The following RABGAP1L variants were observed in gnomAD, a reference collection of about 807,000 sequenced individuals.
RABGAP1L encodes the protein RAB GTPase activating protein 1 like.
A neutral mutation model predicts 137.7 loss-of-function variants in RABGAP1L; 63 were observed. The observed-to-expected ratio is 0.46, with a 90% CI of 0.37 to 0.56. The LOEUF (loss-of-function observed/expected upper bound fraction) is 0.56, where lower values mean the gene tolerates loss of function less well. Ranked by LOEUF, RABGAP1L falls within the 20% of genes least tolerant of loss-of-function variation. RABGAP1L has a pLI of 0.00. For synonymous variants in RABGAP1L, 431 were observed against 433.7 expected (o/e 0.99, Z 0.08); for missense variants, 1,095 against 1,244.0 (o/e 0.88, Z 1.80).
chr1:174,724,465 G>T (rs147714473), intron 17 of RABGAP1L, among the ~76,000 whole-genome samples: 21 of 152,302 alleles, frequency 1.4e-4, no homozygotes, highest in African/African-American at 5.1e-4. Flanking sequence ...AAGCCAAAAA[G>T]GGAGCAGCAT....
chr1:174,796,879 T>C (rs553936234), intron 18 of RABGAP1L, among the ~76,000 whole-genome samples: 121 of 152,122 alleles, frequency 8.0e-4, no homozygotes, highest in African/African-American at 2.8e-3. Flanking sequence ...TGGTGGCACA[T>C]GCTTGTAATT....
chr1:174,383,443 T>C (rs372890216), intron 12 of RABGAP1L, among the ~76,000 whole-genome samples: 3 of 150,960 alleles, frequency 2.0e-5, no homozygotes, highest in Admixed American at 6.6e-5. Flanking sequence ...ATCAGCGAGA[T>C]TCCGTTGGCG....
chr1:174,864,750 C>G (rs1650909354), intron 19 of RABGAP1L, among the ~76,000 whole-genome samples: 1 of 152,188 alleles, frequency 6.6e-6, no homozygotes, highest in Non-Finnish European at 1.5e-5. Context: ...TTCAACTGCC[C>G]TGAAGTAAAA....
At chr1:174,288,590 C>T (rs1676283416) in intron 10 of RABGAP1L, among the ~76,000 whole-genome samples, 2 of 152,172 alleles carry the variant, frequency 1.3e-5, no homozygotes, top group African/African-American at 4.8e-5. Context: ...TACAAGGGCT[C>T]TTTTGTATGT....
chr1:174,745,056 G>T (rs1573005380), intron 17 of RABGAP1L, among the ~76,000 whole-genome samples: 1 of 152,192 alleles, frequency 6.6e-6, no homozygotes. Context: ...GAATTCAACT[G>T]TGTGGTTCAT....
Position 174,251,271 on chromosome 1 carries a change from CT to C in RABGAP1L, c.875+649del, listed in dbSNP as rs566447117. ...TTTTTACACAATTGTATATATATACCTTTTTTTTTTCTTTATGTTAAGTGTT... is the reference window on the plus strand; with the variant it reads ...TTTTTACACAATTGTATATATATACCTTTTTTTTTCTTTATGTTAAGTGTT... On this transcript the variant is annotated intron_variant, in intron 6 of 25. Coordinates refer to ENST00000681986, the MANE Select transcript of RABGAP1L (RefSeq NM_001366446.1). Among the ~76,000 whole-genome samples the C allele has an allele frequency of 1.0e-3, 151 of 148,348 alleles. 1 individual carries two copies. The highest frequency in any genetic ancestry group is 4.9e-3 in the East Asian group (25 of 5,100).
At chr1:174,590,440 G>A (rs1259779825) in intron 13 of RABGAP1L, among the ~76,000 whole-genome samples, 1 of 111,802 alleles carries the variant, frequency 8.9e-6, no homozygotes, top group Non-Finnish European at 1.8e-5. Context: ...ATGCTGGTGC[G>A]CTGCACCCAC....
chr1:174,682,537 T>C (rs1412800090), intron 14 of RABGAP1L, among the ~76,000 whole-genome samples: 1 of 152,016 alleles, frequency 6.6e-6, no homozygotes, highest in African/African-American at 2.4e-5. Flanking sequence ...GTCTACAATA[T>C]TTACTATCCA....
At chr1:174,673,046 A>T (rs41524947) in intron 14 of RABGAP1L, among the ~76,000 whole-genome samples, 13,634 of 152,082 alleles carry the variant, frequency 0.09, 835 homozygotes, top group East Asian at 0.22. Flanking sequence ...TCTTTATCCT[A>T]CTTCCAACCC....
At chr1:174,946,020 G>GTC (rs142294576) in intron 19 of RABGAP1L, 9,299 of 150,088 alleles carry the variant, frequency 0.062, 411 homozygotes, top group Non-Finnish European at 0.093. Context: ...TTGGCTATCT[G>GTC]TCTCTCTCTC....
At chr1:174,691,906 C>T (rs978859683) in intron 15 of RABGAP1L, among the ~76,000 whole-genome samples, 2 of 151,944 alleles carry the variant, frequency 1.3e-5, no homozygotes, top group African/African-American at 2.4e-5. Context: ...GACAGTACAA[C>T]CTAGCATTGC....
At chr1:174,522,597 G>T (rs1663518981) in intron 13 of RABGAP1L, among the ~76,000 whole-genome samples, 1 of 152,116 alleles carries the variant, frequency 6.6e-6, no homozygotes. Flanking sequence ...AAAGAAAAGA[G>T]AAGAAAAATA....
rs573750145 is a variant in RABGAP1L at position 174,371,953 on chromosome 1, C to T, written c.1559+881C>T. On this transcript the variant is annotated intron_variant, in intron 12 of 25. Transcript: ENST00000681986. ...ATTTACAGTTCCAACGGTTGGAATA[C>T]TGATGATTTTTCATTGTAAAATCTG... 3.9e-5 allele frequency among the ~76,000 whole-genome samples: 6 copies of T among 152,228 alleles called. No homozygotes were observed. The South Asian group carries it at 6.2e-4, about 16-fold the overall frequency.
intron 13 of RABGAP1L, among the ~76,000 whole-genome samples, chr1:174,431,278 A>T (rs988997279): frequency 2.0e-5 from 3 of 152,176 alleles, no homozygotes; most frequent in Non-Finnish European, 4.4e-5. Flanking sequence ...GATAATTCTA[A>T]TTTTTATGGG....
chr1:174,738,892 T>A (rs1683167263), intron 17 of RABGAP1L, among the ~76,000 whole-genome samples: 2 of 152,248 alleles, frequency 1.3e-5, no homozygotes. Context: ...TTACTGTTGC[T>A]ACAATTTTCT....
chr1:174,747,283 G>T (rs1339842909), intron 17 of RABGAP1L, among the ~76,000 whole-genome samples: 1 of 151,460 alleles, frequency 6.6e-6, no homozygotes, highest in African/African-American at 2.4e-5. Flanking sequence ...CACACATGTA[G>T]TCCCAGCTAC....
chr1:174,633,046 G>C (rs1673571491), intron 13 of RABGAP1L, among the ~76,000 whole-genome samples: 1 of 152,224 alleles, frequency 6.6e-6, no homozygotes, highest in East Asian at 1.9e-4. Context: ...AGTCAGGCAG[G>C]AGAAGGAAAT....
chr1:174,680,147 A>G (rs1677944024), intron 14 of RABGAP1L, among the ~76,000 whole-genome samples: 1 of 152,224 alleles, frequency 6.6e-6, no homozygotes, highest in Non-Finnish European at 1.5e-5. Context: ...GACTGGGAAA[A>G]CATATTTGTA....
intron 19 of RABGAP1L, among the ~76,000 whole-genome samples, chr1:174,854,424 G>A (rs564107789): frequency 3.3e-5 from 5 of 152,108 alleles, no homozygotes; most frequent in East Asian, 3.9e-4. Flanking sequence ...TTTATTAAGC[G>A]AAGACCTTTC....
Sources: allele counts gnomAD v4.1 joint callset (sites outside exome capture counted in the v4.1 genomes callset), GRCh38; gene constraint gnomAD v4.1.1; transcripts MANE v1.5; gene names NCBI Gene and HGNC (gene_info 2026-07-23, HGNC 2026-07-21).